VAV1: variants seen among roughly 807,000 people sequenced by gnomAD.
VAV1 encodes the protein vav guanine nucleotide exchange factor 1, also known as proto-oncogene vav.
In VAV1, 33 loss-of-function variants were observed where a neutral mutation model predicts 128.1. That is an observed-to-expected ratio of 0.26 (90% CI 0.20 to 0.34). VAV1 has a LOEUF of 0.34. Among genes scored for constraint, VAV1 ranks in the 10% least tolerant of loss-of-function variants. VAV1 has a pLI of 1.00. For missense variants in VAV1, 715 were observed against 1,093.7 expected (o/e 0.65, Z 4.88); for synonymous variants, 394 against 409.8 (o/e 0.96, Z 0.47).
At chr19:6,851,441 C>T (rs1972674111) in intron 24 of VAV1, among the ~76,000 whole-genome samples, 1 of 152,062 alleles carries the variant, frequency 6.6e-6, no homozygotes, top group African/African-American at 2.4e-5. Flanking sequence ...CTTGGCCTCC[C>T]AAAGTGTTGG....
chr19:6,795,422 G>A (rs1220440504), intron 1 of VAV1, among the ~76,000 whole-genome samples: 1 of 152,108 alleles, frequency 6.6e-6, no homozygotes, highest in Non-Finnish European at 1.5e-5. Context: ...AAGACCAGAG[G>A]AGACAGTTGT....
intron 1 of VAV1, among the ~76,000 whole-genome samples, chr19:6,802,606 G>A (rs1173899541): frequency 6.6e-6 from 1 of 152,116 alleles, no homozygotes; most frequent in Non-Finnish European, 1.5e-5. Flanking sequence ...TTCCTCCCTC[G>A]AGCCACAGAC....
chr19:6,844,421 T>C (rs1438770633), intron 22 of VAV1, among the ~76,000 whole-genome samples: 4 of 152,126 alleles, frequency 2.6e-5, no homozygotes, highest in Non-Finnish European at 5.9e-5. Flanking sequence ...TTCACCATGT[T>C]GGCCAGGCTG....
intron 1 of VAV1, among the ~76,000 whole-genome samples, chr19:6,807,822 C>G (rs1178964463): frequency 6.6e-6 from 1 of 151,418 alleles, no homozygotes; most frequent in Non-Finnish European, 1.5e-5. Flanking sequence ...GAAACCCCAT[C>G]TCTACTAAAA....
At chr19:6,801,338 G>A (rs1320613052) in intron 1 of VAV1, among the ~76,000 whole-genome samples, 2 of 152,128 alleles carry the variant, frequency 1.3e-5, no homozygotes, top group African/African-American at 2.4e-5. Context: ...TCCCATCCAA[G>A]CTCCCTCAAC....
rs1568302637 is a variant in VAV1, at chr19:6,820,638, T to C, written c.205-64T>C. On this transcript the variant is annotated intron_variant, in intron 1 of 26. Coordinates refer to ENST00000602142, the MANE Select transcript of VAV1 (RefSeq NM_005428.4). This position sits in a 1 kb window ranked among gnomAD's most constrained non-coding sequence, Gnocchi z 4.4. ...ACACCAGTCCCCAAGCTAGGTGGCC[T>C]GGGGGTCAGTTTCTCCCCTGCCCTT... 7.2e-7 allele frequency: 1 copy of C among 1,398,408 alleles called. No individual in the cohort carries two copies. The highest frequency in any genetic ancestry group is 1.0e-6 in the Non-Finnish European group (1 of 985,858). 86.6% of individuals were successfully genotyped at this position (1,398,408 alleles called of 1,614,324 possible). A position where few individuals can be genotyped will look rare whatever the true frequency, so the allele number is the denominator to read the frequency against.
chr19:6,807,996 A>AG (rs1971432310), intron 1 of VAV1, among the ~76,000 whole-genome samples: 1 of 150,152 alleles, frequency 6.7e-6, no homozygotes, highest in African/African-American at 2.5e-5. Flanking sequence ...TCTCAAAAAA[A>AG]AAAAAAAAAA....
At chr19:6,846,807 A>G (rs1033968400) in intron 22 of VAV1, among the ~76,000 whole-genome samples, 1 of 147,700 alleles carries the variant, frequency 6.8e-6, no homozygotes, top group Non-Finnish European at 1.5e-5. Context: ...AGATAGTTAT[A>G]TATTATTATA....
In VAV1 at chr19:6,800,523, G is replaced by A. The variant is rs138643484; in HGVS notation, c.205-20179G>A. ...AGGTTTCACTATATGTTGGCCAGGC[G>A]CGTCTCAAACTCCTGACCTCAAGTG... On this transcript the variant is annotated intron_variant, in intron 1 of 26. Coordinates refer to ENST00000602142, the MANE Select transcript of VAV1 (RefSeq NM_005428.4). 6.9e-3 allele frequency among the ~76,000 whole-genome samples: 1,055 copies of A among 151,922 alleles called. 17 individuals carry two copies. Among genetic ancestry groups the A allele is most frequent in the African/African-American group, 0.024 (1,000 of 41,442 alleles).
At chr19:6,824,198 C>T (rs557274133) in intron 6 of VAV1, among the ~76,000 whole-genome samples, 1 of 152,256 alleles carries the variant, frequency 6.6e-6, no homozygotes, top group Admixed American at 6.5e-5. Flanking sequence ...GCCTTGGCCT[C>T]CCAAAGTGTT....
chr19:6,848,171 G>GAAAAAAAAAA, intron 23 of VAV1, 57 bp downstream of exon 23: 1 of 1,466,940 alleles, frequency 6.8e-7, no homozygotes, highest in Non-Finnish European at 9.1e-7. Context: ...GCGGGCCTGG[G>GAAAAAAAAAA]AAAAAGGGTA....
At chr19:6,829,986 C>T in intron 14 of VAV1, 68 bp downstream of exon 14, 1 of 1,603,632 alleles carries the variant, frequency 6.2e-7, no homozygotes, top group Non-Finnish European at 8.5e-7. Flanking sequence ...TCCACTTGGG[C>T]ATGTGCCTGT....
intron 21 of VAV1, among the ~76,000 whole-genome samples, chr19:6,841,434 C>G (rs1263553340): frequency 4.0e-5 from 6 of 149,154 alleles, no homozygotes; most frequent in Non-Finnish European, 7.4e-5. Flanking sequence ...TAGTGTAGTT[C>G]TAGTTTTTAA....
chr19:6,813,397 C>T (rs1971552741), intron 1 of VAV1, among the ~76,000 whole-genome samples: 1 of 152,206 alleles, frequency 6.6e-6, no homozygotes, highest in Non-Finnish European at 1.5e-5. Context: ...CATCTTGTTT[C>T]TTCCACCCTG....
chr19:6,843,818 T>C (rs532434178), intron 22 of VAV1, among the ~76,000 whole-genome samples: 145 of 152,220 alleles, frequency 9.5e-4, no homozygotes, highest in Admixed American at 2.6e-3. Context: ...TGTTTTTTTT[T>C]TCTTCTTCAC....
At chr19:6,800,735 C>T (rs1971247837) in intron 1 of VAV1, among the ~76,000 whole-genome samples, 2 of 152,244 alleles carry the variant, frequency 1.3e-5, no homozygotes, top group African/African-American at 2.4e-5. Context: ...GATTCTCCTG[C>T]CTCAGCCTCC....
rs757146819 is a variant in VAV1 at position 6,836,979 on chromosome 19, G to A, written c.1915-6G>A. 6.2e-7 allele frequency: 1 copy of A among 1,614,096 alleles called. No individual in the cohort carries two copies. The highest frequency in any genetic ancestry group is 8.5e-7 in the Non-Finnish European group (1 of 1,179,974). On this transcript the variant is annotated splice_polypyrimidine_tract_variant and splice_region_variant and intron_variant, in intron 20 of 26. Coordinates refer to ENST00000602142, the MANE Select transcript of VAV1 (RefSeq NM_005428.4). ...CTGTTCCTGTTTTTGTCTCCTGGGT[G>A]TTTAGGGCAGAAATACATCTACTAA...
intron 21 of VAV1, among the ~76,000 whole-genome samples, chr19:6,838,892 C>CTTTA (rs147546726): frequency 0.029 from 4,287 of 150,060 alleles, 65 homozygotes; most frequent in African/African-American, 0.044. Flanking sequence ...TTATGCTCAG[C>CTTTA]TTTATTTATT....
At chr19:6,852,913 C>T in intron 24 of VAV1, 52 bp from the exon 25 acceptor site, 2 of 1,497,086 alleles carry the variant, frequency 1.3e-6, no homozygotes, top group South Asian at 1.1e-5. Context: ...AGCTCTGCCC[C>T]CTTATGGGCT....
Sources: allele counts gnomAD v4.1 joint callset (sites outside exome capture counted in the v4.1 genomes callset), GRCh38; gene constraint gnomAD v4.1.1; non-coding constraint Gnocchi (gnomAD v3.1); transcripts MANE v1.5; gene names NCBI Gene and HGNC (gene_info 2026-07-23, HGNC 2026-07-21).